The following BAZ2B variants were observed in gnomAD, a reference collection of about 807,000 sequenced individuals.
BAZ2B encodes bromodomain adjacent to zinc finger domain protein 2B.
In BAZ2B, 91 loss-of-function variants were observed where a neutral mutation model predicts 246.0. That is an observed-to-expected ratio of 0.37 (90% CI 0.31 to 0.44). BAZ2B has a LOEUF of 0.44. Ranked by LOEUF, BAZ2B falls within the 20% of genes least tolerant of loss-of-function variation. The pLI is 1.00. For synonymous variants in BAZ2B, 855 were observed against 860.0 expected, an observed-to-expected ratio of 0.99 and a Z score of 0.10; for missense variants, 2,332 against 2,533.7, an observed-to-expected ratio of 0.92 and a Z score of 1.71.
intron 11 of BAZ2B, among the ~76,000 whole-genome samples, chr2:159,428,676 C>G (rs2070459614): frequency 2.6e-5 from 4 of 152,060 alleles, no homozygotes; most frequent in Admixed American, 2.6e-4. Context: ...ACTTTGGGTA[C>G]TCTGACATTT....
chr2:159,385,295 T>C lies in BAZ2B; in HGVS notation c.3546A>G (p.Ile1182Met), dbSNP rs1255733361. The change falls in exon 23 of 37, where the codon ATA (isoleucine) becomes ATG (methionine). Residue 1182 changes from isoleucine to methionine, a missense_variant. Ile to Met is a conservative substitution (Grantham distance 10, BLOSUM62 1). Transcript: ENST00000392783. The stretch of plus-strand genomic sequence containing the variant: ...TTTGTCCACAGTGGGCTTCCATAAA[T>C]ATCTGTAAAATCTCGGAAACATTGT... ...NRDNVSEILQIFMEAHCGQTE... is the reference protein window; with the variant it reads ...NRDNVSEILQMFMEAHCGQTE... 2 of 1,613,332 alleles carry C rather than the reference T, an allele frequency of 1.2e-6. No homozygotes were observed. Among genetic ancestry groups the C allele is most frequent in the Non-Finnish European group, 1.7e-6 (2 of 1,179,622 alleles).
rs905239093 is a variant in BAZ2B, at chr2:159,515,438, CT to C, written c.-2-36718del. On this transcript the variant is annotated intron_variant, in intron 2 of 36. Transcript: ENST00000392783. Reference sequence around the variant, plus strand: ...TAAAGATTGAGCAAAACTAAGAGTTCTGTTCCAAATTAAAAAGCCAATGTAA... The same window carrying C: ...TAAAGATTGAGCAAAACTAAGAGTTCGTTCCAAATTAAAAAGCCAATGTAA... Among the ~76,000 whole-genome samples, 125 of 152,174 alleles carry C rather than the reference CT, an allele frequency of 8.2e-4. 1 individual carries two copies. Among genetic ancestry groups the C allele is most frequent in the Non-Finnish European group, 1.2e-4 (8 of 67,920 alleles).
chr2:159,506,565 G>T (rs544401051), intron 2 of BAZ2B, among the ~76,000 whole-genome samples: 1 of 152,104 alleles, frequency 6.6e-6, no homozygotes, highest in Non-Finnish European at 1.5e-5. Context: ...CAGTAACTCC[G>T]CAAAGAACCA....
chr2:159,416,590 C>CTA (rs2067761457), intron 13 of BAZ2B, among the ~76,000 whole-genome samples: 1 of 152,056 alleles, frequency 6.6e-6, no homozygotes, highest in African/African-American at 2.4e-5. Flanking sequence ...CAATTTTTGG[C>CTA]CAAAATTTTA....
intron 2 of BAZ2B, among the ~76,000 whole-genome samples, chr2:159,499,693 G>C (rs1322170626): frequency 6.6e-6 from 1 of 151,992 alleles, no homozygotes; most frequent in Non-Finnish European, 1.5e-5. Context: ...TGTTGTTTTT[G>C]ACTTTTTAAT....
chr2:159,552,413 T>C (rs755241606), intron 2 of BAZ2B, among the ~76,000 whole-genome samples: 1 of 152,198 alleles, frequency 6.6e-6, no homozygotes, highest in Non-Finnish European at 1.5e-5. Flanking sequence ...ATTGGTGTTA[T>C]CTGTAAAGGA....
At chr2:159,646,794 T>C in the BAZ2B span, among the ~76,000 whole-genome samples, 2 of 152,012 alleles carry the variant, frequency 1.3e-5, no homozygotes, top group African/African-American at 2.4e-5. Context: ...TACTGCAAAA[T>C]ACTAGAACAT....
intron 1 of BAZ2B, among the ~76,000 whole-genome samples, chr2:159,599,935 CAAAAAAA>C (rs11303439): frequency 3.9e-5 from 4 of 101,610 alleles, no homozygotes; most frequent in African/African-American, 7.9e-5. Context: ...GACTCCTTCT[CAAAAAAA>C]AAAAAAAAAA....
chr2:159,681,293 G>T, the BAZ2B span, among the ~76,000 whole-genome samples: 8 of 151,986 alleles, frequency 5.3e-5, no homozygotes, highest in African/African-American at 1.9e-4. Context: ...AAGTCTGACA[G>T]ATTTTAAAAG....
At chr2:159,440,466 A>T (rs983947306) in intron 6 of BAZ2B, among the ~76,000 whole-genome samples, 1 of 149,274 alleles carries the variant, frequency 6.7e-6, no homozygotes, top group East Asian at 2.0e-4. Context: ...TAACATTCAT[A>T]TGAGTGAGGA....
chr2:159,369,150 A>C (rs73967846), intron 27 of BAZ2B, among the ~76,000 whole-genome samples: 2,256 of 152,288 alleles, frequency 0.015, 66 homozygotes, highest in African/African-American at 0.051. Flanking sequence ...CACTTAAATA[A>C]GCTGGGAAGT....
chr2:159,504,137 T>G (rs1577881293), intron 2 of BAZ2B, among the ~76,000 whole-genome samples: 2 of 150,450 alleles, frequency 1.3e-5, no homozygotes, highest in Non-Finnish European at 3.0e-5. Flanking sequence ...ATTTTTTTTT[T>G]GTAATACTTC....
intron 1 of BAZ2B, among the ~76,000 whole-genome samples, chr2:159,597,309 A>T (rs899621790): frequency 1.4e-4 from 22 of 152,288 alleles, no homozygotes; most frequent in African/African-American, 5.3e-4. Flanking sequence ...AATTTCACTC[A>T]ACATTGATGG....
intron 2 of BAZ2B, among the ~76,000 whole-genome samples, chr2:159,494,695 T>G (rs921502065): frequency 6.6e-6 from 1 of 152,220 alleles, no homozygotes; most frequent in Admixed American, 6.5e-5. Flanking sequence ...TTATTCTATA[T>G]ACTCAACTAA....
the BAZ2B span, among the ~76,000 whole-genome samples, chr2:159,638,227 T>G: frequency 6.6e-6 from 1 of 152,370 alleles, no homozygotes; most frequent in Admixed American, 6.5e-5. Flanking sequence ...TTATTGGGCT[T>G]GGGGCCCAAG....
At chr2:159,587,780 A>G (rs1688380411) in intron 1 of BAZ2B, among the ~76,000 whole-genome samples, 1 of 152,224 alleles carries the variant, frequency 6.6e-6, no homozygotes, top group Non-Finnish European at 1.5e-5. Flanking sequence ...AACAGAAAGA[A>G]AAGTAACCAC....
intron 1 of BAZ2B, among the ~76,000 whole-genome samples, chr2:159,572,203 A>G (rs1684195132): frequency 2.0e-5 from 3 of 152,288 alleles, no homozygotes; most frequent in Middle Eastern, 3.4e-3. Flanking sequence ...ATACCTTACC[A>G]ACTGGATGCT....
intron 8 of BAZ2B, chr2:159,433,930 C>A (rs1447523607): frequency 6.6e-6 from 1 of 152,664 alleles, no homozygotes; most frequent in Non-Finnish European, 1.5e-5. Flanking sequence ...TCTAAACTAC[C>A]TTAAATGTAC....
At chr2:159,369,381 G>A (rs1576202005) in intron 27 of BAZ2B, among the ~76,000 whole-genome samples, 1 of 152,222 alleles carries the variant, frequency 6.6e-6, no homozygotes, top group East Asian at 1.9e-4. Context: ...TGAATGCCAG[G>A]CTAAGTACAT....
Sources: allele counts gnomAD v4.1 joint callset (sites outside exome capture counted in the v4.1 genomes callset), GRCh38; gene constraint gnomAD v4.1.1; transcripts MANE v1.5; gene names NCBI Gene and HGNC (gene_info 2026-07-23, HGNC 2026-07-21).